The following NRCAM variants were observed in gnomAD, a reference collection of about 807,000 sequenced individuals.
NRCAM encodes neuronal cell adhesion molecule.
In NRCAM, 83 loss-of-function variants were observed where a neutral mutation model predicts 156.5. The observed-to-expected ratio is 0.53, with a 90% CI of 0.44 to 0.64. NRCAM has a LOEUF of 0.64. Ranked by LOEUF, NRCAM falls within the 30% of genes least tolerant of loss-of-function variation. The probability of loss-of-function intolerance (pLI) is 0.00; values close to 1 mark genes in which losing one functional copy is unlikely to be tolerated. For missense variants in NRCAM, 1,417 were observed against 1,597.3 expected (o/e 0.89, Z 1.92); for synonymous variants, 538 against 563.9 (o/e 0.95, Z 0.65).
intron 1 of NRCAM, among the ~76,000 whole-genome samples, chr7:108,444,807 G>C (rs1366348444): frequency 2.6e-5 from 4 of 152,164 alleles, no homozygotes; most frequent in Non-Finnish European, 4.4e-5. Context: ...ACTGGGGGTT[G>C]AGACTTCAAC....
intron 3 of NRCAM, among the ~76,000 whole-genome samples, chr7:108,281,461 C>T (rs1044490788): frequency 2.0e-5 from 3 of 152,096 alleles, no homozygotes; most frequent in African/African-American, 4.8e-5. Flanking sequence ...GAAGGCATGA[C>T]GTGCTATGAG....
At chr7:108,297,473 G>A (rs2098473236) in intron 3 of NRCAM, among the ~76,000 whole-genome samples, 1 of 152,288 alleles carries the variant, frequency 6.6e-6, no homozygotes, top group Non-Finnish European at 1.5e-5. Flanking sequence ...AACATTATCT[G>A]ACAAAGGGAT....
At chr7:108,223,571 T>C (rs2092850054) in intron 11 of NRCAM, among the ~76,000 whole-genome samples, 154 bp downstream of exon 11, 2 of 152,208 alleles carry the variant, frequency 1.3e-5, no homozygotes, top group African/African-American at 2.4e-5. Context: ...ATGAGATTCA[T>C]ATGCCTACTT....
intron 1 of NRCAM, among the ~76,000 whole-genome samples, chr7:108,429,976 G>C (rs1230706266): frequency 1.3e-5 from 2 of 152,126 alleles, no homozygotes; most frequent in Non-Finnish European, 2.9e-5. Flanking sequence ...TGGACAAACA[G>C]ACCTAGGGAA....
At chr7:108,219,101 A>G (rs1018118976) in intron 11 of NRCAM, among the ~76,000 whole-genome samples, 1 of 152,178 alleles carries the variant, frequency 6.6e-6, no homozygotes, top group African/African-American at 2.4e-5. Flanking sequence ...ATAAACTAGA[A>G]AACCTAAAAG....
At chr7:108,260,834 T>C (rs2096861695) in intron 3 of NRCAM, among the ~76,000 whole-genome samples, 1 of 152,162 alleles carries the variant, frequency 6.6e-6, no homozygotes, top group Non-Finnish European at 1.5e-5. Context: ...TTTTAAATTA[T>C]CTACCATCAT....
chr7:108,191,387 T>C lies in NRCAM; in HGVS notation c.1904-104A>G, dbSNP rs10251655. The stretch of plus-strand genomic sequence containing the variant: ...CTGTACATTATTCAAGGTTATAAAA[T>C]TAAGCCCTATGCTTAGCTGTGAGAC... On this transcript the variant is annotated intron_variant, in intron 18 of 32. Coordinates refer to ENST00000379028, the MANE Select transcript of NRCAM (RefSeq NM_001037132.4). The C allele has an allele frequency of 1.6e-3, 1,465 of 893,080 alleles. 16 individuals are homozygous for C. The African/African-American group carries it at 0.022, about 14-fold the overall frequency. The allele number at this position is 893,080 out of a possible 1,614,324, so 55.3% of individuals were successfully genotyped here. A position where few individuals can be genotyped will look rare whatever the true frequency, so the allele number is the denominator to read the frequency against.
intron 2 of NRCAM, among the ~76,000 whole-genome samples, chr7:108,330,407 G>A (rs931411034): frequency 1.2e-4 from 19 of 152,120 alleles, no homozygotes; most frequent in African/African-American, 4.3e-4. Flanking sequence ...CAGCTTGCCT[G>A]ACCGAGCCTA....
rs1188331826 is a variant in NRCAM at position 108,166,901 on chromosome 7, A to C, written c.3466+20T>G. 1 of 1,611,946 alleles carries C rather than the reference A, an allele frequency of 6.2e-7. No individual in the cohort carries two copies. The highest frequency in any genetic ancestry group is 1.7e-5 in the Admixed American group (1 of 59,844). ...TCCACCTCTGAGCGGGAGCCAGAAC[A>C]GGTGTGGTGTGAGCCTCACCTGGGC... On this transcript the variant is annotated intron_variant, in intron 30 of 32. Coordinates refer to ENST00000379028, the MANE Select transcript of NRCAM (RefSeq NM_001037132.4).
At chr7:108,379,459 G>A (rs1191270164) in intron 2 of NRCAM, among the ~76,000 whole-genome samples, 2 of 152,142 alleles carry the variant, frequency 1.3e-5, no homozygotes, top group Non-Finnish European at 2.9e-5. Flanking sequence ...ATGGCGACAG[G>A]AGCTGGAGGA....
At chr7:108,192,037 T>C (rs2072078968) in intron 17 of NRCAM, among the ~76,000 whole-genome samples, 184 bp from the exon 18 acceptor site, 1 of 152,180 alleles carries the variant, frequency 6.6e-6, no homozygotes, top group Non-Finnish European at 1.5e-5. Flanking sequence ...GAGAATCAAT[T>C]AGAATATTGG....
At chr7:108,334,796 C>T (rs2099162229) in intron 2 of NRCAM, among the ~76,000 whole-genome samples, 2 of 151,758 alleles carry the variant, frequency 1.3e-5, no homozygotes, top group Admixed American at 6.6e-5. Flanking sequence ...AGATGATTTA[C>T]AAATAGAAAT....
rs775247548 is a variant in NRCAM, at chr7:108,379,584, G to T, written c.-174+19852C>A. On this transcript the variant is annotated intron_variant, in intron 2 of 32. Transcript: ENST00000379028. ...CACAACTGACGGGTGTACTTAAAAA[G>T]ATTTTAAAATGGTGAATTTTATCCT... Among the ~76,000 whole-genome samples, 36 of 152,008 alleles carry T rather than the reference G, an allele frequency of 2.4e-4. 1 individual carries two copies. The highest frequency in any genetic ancestry group is 9.2e-4 in the Admixed American group (14 of 15,262).
rs577830649 is a variant in NRCAM, at chr7:108,149,230, A to G, written c.*680T>C. On this transcript the variant is annotated 3_prime_UTR_variant, in exon 33 of 33. Coordinates refer to ENST00000379028, the MANE Select transcript of NRCAM (RefSeq NM_001037132.4). ...ACAACCGAACATAGAAATGATGTAA[A>G]AAGTAGAACACTGTGCTGCTGTAAT... 6.5e-6 allele frequency: 1 copy of G among 152,790 alleles called. No individual in the cohort carries two copies. The highest frequency in any genetic ancestry group is 1.9e-4 in the East Asian group (1 of 5,194). 9.5% of individuals were successfully genotyped at this position (152,790 alleles called of 1,614,324 possible).
intron 20 of NRCAM, among the ~76,000 whole-genome samples, chr7:108,185,322 C>T (rs538837653): frequency 6.6e-6 from 1 of 152,284 alleles, no homozygotes; most frequent in East Asian, 1.9e-4. Flanking sequence ...AAATAATTTA[C>T]ATTGTAGTAT....
At position 108,175,235 on chromosome 7, in the gene NRCAM, TTC is replaced by T. The variant is rs1298392712; in HGVS notation, c.3187+85_3187+86del. ...TTCTTTTGGTGGTTCAAAGCATATT[TTC>T]TCTGTTTTACCCATGCTGCACTTCC... On this transcript the variant is annotated intron_variant, in intron 28 of 32. Coordinates refer to ENST00000379028, the MANE Select transcript of NRCAM (RefSeq NM_001037132.4). The T allele has an allele frequency of 1.6e-5, 16 of 1,005,144 alleles. No homozygotes were observed. In the African/African-American group the frequency reaches 2.4e-4, roughly 15 times the overall value. 62.3% of individuals were successfully genotyped at this position (1,005,144 alleles called of 1,614,324 possible).
chr7:108,290,718 T>C (rs992943425), intron 3 of NRCAM, among the ~76,000 whole-genome samples: 2 of 152,188 alleles, frequency 1.3e-5, no homozygotes, highest in African/African-American at 4.8e-5. Flanking sequence ...ACTGTAATCG[T>C]TTTTTAGAAG....
At chr7:108,207,804 A>C in intron 12 of NRCAM, 145 bp from the exon 13 acceptor site, 1 of 591,098 alleles carries the variant, frequency 1.7e-6, no homozygotes, top group Non-Finnish European at 2.8e-6. Context: ...TTTATAAACA[A>C]TGCTTCAAAG....
intron 30 of NRCAM, among the ~76,000 whole-genome samples, chr7:108,160,956 C>T (rs1045479061): frequency 2.0e-5 from 3 of 152,128 alleles, no homozygotes; most frequent in Admixed American, 2.0e-4. Context: ...CCTTGCAAGG[C>T]TGTTGCCATT....
Sources: gnomAD v4.1 joint callset for allele counts (sites outside exome capture counted in the v4.1 genomes callset) on GRCh38, gnomAD v4.1.1 for gene constraint, MANE v1.5 for transcripts, NCBI Gene and HGNC (gene_info 2026-07-23, HGNC 2026-07-21) for gene names.